Variants in INSL6 observed in about 807,000 individuals in gnomAD.
The protein encoded by INSL6 is insulin-like peptide INSL6.
INSL6 carries 16 observed loss-of-function variants against 9.4 expected under a neutral mutation model. That is an observed-to-expected ratio of 1.70 (90% CI 1.15 to 2.59). INSL6 has a LOEUF of 2.59. Ranked by LOEUF, INSL6 falls within the 30% of genes most tolerant of loss-of-function variation. The pLI is 0.00. For missense variants in INSL6, 391 were observed against 257.3 expected, an observed-to-expected ratio of 1.52 and a Z score of -3.56; for synonymous variants, 154 against 96.9, an observed-to-expected ratio of 1.59 and a Z score of -3.46.
the INSL6 span, chr9:5,094,559 T>C: frequency 0.24 from 37,036 of 152,026 alleles, 4,900 homozygotes; most frequent in South Asian, 0.3. Context: ...TCAACTTATA[T>C]GCATGCATCA....
chr9:5,037,013 C>G, the INSL6 span, among the ~76,000 whole-genome samples: 2 of 152,064 alleles, frequency 1.3e-5, no homozygotes, highest in Non-Finnish European at 2.9e-5. Flanking sequence ...AACAAATTTA[C>G]AAGAAAACAA....
At chr9:5,154,643 C>T (rs1329908458) in intron 2 of INSL6, among the ~76,000 whole-genome samples, 1 of 151,956 alleles carries the variant, frequency 6.6e-6, no homozygotes, top group East Asian at 1.9e-4. Context: ...AAGCAAAGAA[C>T]CCCATCAACA....
chr9:4,998,893 C>T, the INSL6 span, among the ~76,000 whole-genome samples: 3 of 152,018 alleles, frequency 2.0e-5, no homozygotes, highest in Non-Finnish European at 4.4e-5. Context: ...TGCAGTGGTG[C>T]GATCTGCAAG....
the INSL6 span, among the ~76,000 whole-genome samples, chr9:5,068,646 T>C: frequency 6.6e-6 from 1 of 152,224 alleles, no homozygotes; most frequent in African/African-American, 2.4e-5. Context: ...AGGTTGTATG[T>C]TGGCAGTGGC....
chr9:5,073,818 C>G, the INSL6 span: 2 of 1,309,762 alleles, frequency 1.5e-6, no homozygotes, highest in South Asian at 2.5e-5. Context: ...TAATGCCTTT[C>G]TCAGAGCATC....
At chr9:5,087,568 T>C in the INSL6 span, among the ~76,000 whole-genome samples, 1 of 152,206 alleles carries the variant, frequency 6.6e-6, no homozygotes, top group Non-Finnish European at 1.5e-5. Flanking sequence ...TTCATCTCCT[T>C]CTTCCATAAG....
At chr9:5,035,107 C>T in the INSL6 span, among the ~76,000 whole-genome samples, 8 of 152,332 alleles carry the variant, frequency 5.3e-5, no homozygotes, top group South Asian at 1.7e-3. Context: ...ATAAACACCT[C>T]TACATGAATA....
At chr9:5,149,085 G>C (rs1002206528) in intron 2 of INSL6, among the ~76,000 whole-genome samples, 4 of 152,220 alleles carry the variant, frequency 2.6e-5, no homozygotes, top group Admixed American at 2.0e-4. Context: ...CCCTAGCTCT[G>C]AGCTTGCTTT....
chr9:5,085,671 C>T, the INSL6 span: 4 of 729,140 alleles, frequency 5.5e-6, no homozygotes, highest in Non-Finnish European at 1.0e-5. Context: ...TTTTCGAGAA[C>T]GTGCATTATC....
the INSL6 span, among the ~76,000 whole-genome samples, chr9:5,033,480 C>T: frequency 1.3e-5 from 2 of 152,174 alleles, no homozygotes; most frequent in East Asian, 1.9e-4. Context: ...ATGTTAAGGG[C>T]AGCCAGAGAG....
the INSL6 span, among the ~76,000 whole-genome samples, chr9:5,059,539 T>A: frequency 3.1e-4 from 47 of 152,262 alleles, no homozygotes; most frequent in Non-Finnish European, 6.0e-4. Context: ...TACATATTTT[T>A]TGGTGGACTT....
the INSL6 span, among the ~76,000 whole-genome samples, chr9:5,089,182 A>C: frequency 1.3e-5 from 2 of 152,202 alleles, no homozygotes; most frequent in African/African-American, 4.8e-5. Flanking sequence ...TTACAGATTT[A>C]CTACCCACCT....
chr9:5,010,159 C>T, the INSL6 span, among the ~76,000 whole-genome samples: 1 of 152,150 alleles, frequency 6.6e-6, no homozygotes, highest in Non-Finnish European at 1.5e-5. Context: ...CTGTAAATTT[C>T]TGATTTGCTG....
the INSL6 span, among the ~76,000 whole-genome samples, chr9:5,045,328 C>G: frequency 0.34 from 52,408 of 151,936 alleles, 9,774 homozygotes; most frequent in African/African-American, 0.5. Context: ...GCCTAGTAAG[C>G]CTAGTTCAGT....
intron 2 of INSL6, among the ~76,000 whole-genome samples, chr9:5,147,676 C>G (rs1205318895): frequency 6.6e-6 from 1 of 152,220 alleles, no homozygotes; most frequent in Non-Finnish European, 1.5e-5. Flanking sequence ...TTCTCTTTCT[C>G]TCTCAGGAAT....
At chr9:5,171,171 G>A (rs978861702) in intron 1 of INSL6, among the ~76,000 whole-genome samples, 2 of 152,060 alleles carry the variant, frequency 1.3e-5, no homozygotes, top group Non-Finnish European at 2.9e-5. Context: ...AGGGTGCAAG[G>A]GTGGTTCAAA....
the INSL6 span, among the ~76,000 whole-genome samples, chr9:5,056,865 A>G: frequency 6.6e-6 from 1 of 152,210 alleles, no homozygotes; most frequent in African/African-American, 2.4e-5. Flanking sequence ...AATACAGAGA[A>G]GTTAAGTAAC....
At chr9:5,132,508 G>T (rs765194176) in intron 3 of INSL6, among the ~76,000 whole-genome samples, 1 of 151,498 alleles carries the variant, frequency 6.6e-6, no homozygotes, top group African/African-American at 2.4e-5. Flanking sequence ...CAACAACTTA[G>T]CTGTTTAACA....
the INSL6 span, chr9:5,110,956 G>A: frequency 1.7e-6 from 1 of 596,596 alleles, no homozygotes; most frequent in South Asian, 1.5e-5. Flanking sequence ...CACGGACAAG[G>A]AGCTCAGTAA....
Sources: allele counts gnomAD v4.1 joint callset (sites outside exome capture counted in the v4.1 genomes callset), GRCh38; gene constraint gnomAD v4.1.1; transcripts MANE v1.5; gene names NCBI Gene and HGNC (gene_info 2026-07-23, HGNC 2026-07-21).